Variants in HCN1 observed in about 807,000 individuals in gnomAD.
HCN1 encodes hyperpolarization activated cyclic nucleotide gated potassium channel 1.
A neutral mutation model predicts 78.9 loss-of-function variants in HCN1; 13 were observed. The observed-to-expected ratio is 0.16, with a 90% CI of 0.11 to 0.26. HCN1 has a LOEUF of 0.26. HCN1 is among the 10% of genes least tolerant of loss of function. The probability of loss-of-function intolerance (pLI) is 1.00; values close to 1 mark genes in which losing one functional copy is unlikely to be tolerated. For synonymous variants in HCN1, 552 were observed against 455.5 expected (o/e 1.21, Z -2.70); for missense variants, 810 against 1,154.3 (o/e 0.70, Z 4.32).
intron 6 of HCN1, among the ~76,000 whole-genome samples, chr5:45,275,688 T>C (rs1745041410): frequency 6.6e-6 from 1 of 152,292 alleles, no homozygotes; most frequent in Middle Eastern, 3.4e-3. Context: ...ATTACTGATA[T>C]TACAGATATG....
At chr5:45,332,833 T>C (rs1483075346) in intron 5 of HCN1, among the ~76,000 whole-genome samples, 1 of 151,782 alleles carries the variant, frequency 6.6e-6, no homozygotes, top group Non-Finnish European at 1.5e-5. Flanking sequence ...TTTTTTTTTA[T>C]GGCTGAAAAG....
At chr5:45,459,215 G>A (rs1222093007) in intron 3 of HCN1, among the ~76,000 whole-genome samples, 1 of 151,664 alleles carries the variant, frequency 6.6e-6, no homozygotes, top group Non-Finnish European at 1.5e-5. Flanking sequence ...ACCAGCCTTG[G>A]CGACATAGCA....
intron 5 of HCN1, among the ~76,000 whole-genome samples, chr5:45,347,738 T>A (rs1746780412): frequency 6.6e-6 from 1 of 152,078 alleles, no homozygotes; most frequent in Non-Finnish European, 1.5e-5. Context: ...CAGGAGCCGA[T>A]GCGATCAACT....
intron 2 of HCN1, among the ~76,000 whole-genome samples, chr5:45,572,603 A>G (rs1351305528): frequency 2.0e-5 from 3 of 152,192 alleles, no homozygotes; most frequent in Admixed American, 2.0e-4. Context: ...ATATAATCAT[A>G]TTACTTTTCT....
intron 3 of HCN1, among the ~76,000 whole-genome samples, chr5:45,453,263 G>T (rs990660578): frequency 6.6e-6 from 1 of 152,030 alleles, no homozygotes; most frequent in Admixed American, 6.6e-5. Context: ...GAAACTATTA[G>T]TCTGCTATTC....
chr5:45,594,750 C>T, intron 2 of HCN1, among the ~76,000 whole-genome samples: 1 of 152,270 alleles, frequency 6.6e-6, no homozygotes, highest in East Asian at 1.9e-4. Flanking sequence ...CCTTAAGTAA[C>T]CCACATCTGA....
chr5:45,610,509 T>C (rs1744811876), intron 2 of HCN1, among the ~76,000 whole-genome samples: 1 of 150,096 alleles, frequency 6.7e-6, no homozygotes, highest in South Asian at 2.1e-4. Context: ...TTATAAAATA[T>C]AGAATATCAT....
intron 2 of HCN1, among the ~76,000 whole-genome samples, chr5:45,638,990 T>C (rs950864250): frequency 6.6e-6 from 1 of 152,168 alleles, no homozygotes; most frequent in African/African-American, 2.4e-5. Flanking sequence ...AAGTAAATAA[T>C]ATAATATTGA....
chr5:45,585,334 T>C (rs1359620521), intron 2 of HCN1, among the ~76,000 whole-genome samples: 1 of 152,224 alleles, frequency 6.6e-6, no homozygotes, highest in Admixed American at 6.5e-5. Flanking sequence ...TACTGAGGCT[T>C]GTGCATTGGT....
At chr5:45,560,972 A>C (rs1743587516) in intron 2 of HCN1, among the ~76,000 whole-genome samples, 1 of 152,128 alleles carries the variant, frequency 6.6e-6, no homozygotes, top group Non-Finnish European at 1.5e-5. Flanking sequence ...ATCAAATTCT[A>C]AACTTTTCAT....
At chr5:45,629,756 C>T (rs1354749940) in intron 2 of HCN1, among the ~76,000 whole-genome samples, 1 of 152,054 alleles carries the variant, frequency 6.6e-6, no homozygotes, top group Admixed American at 6.6e-5. Flanking sequence ...ATAAGACATG[C>T]TCCCTATTGG....
chr5:45,302,288 GT>G (rs1745642786), intron 6 of HCN1, among the ~76,000 whole-genome samples: 1 of 143,632 alleles, frequency 7.0e-6, no homozygotes, highest in Non-Finnish European at 1.5e-5. Context: ...AGTTTCCCCT[GT>G]GCTTTCTCTC....
intron 3 of HCN1, among the ~76,000 whole-genome samples, chr5:45,408,904 C>T (rs1442672243): frequency 2.0e-5 from 3 of 152,168 alleles, no homozygotes; most frequent in East Asian, 3.9e-4. Context: ...CTGCCTAATG[C>T]ATTAAAGAAG....
chr5:45,629,977 A>C (rs1167152295), intron 2 of HCN1, among the ~76,000 whole-genome samples: 5 of 152,134 alleles, frequency 3.3e-5, no homozygotes, highest in Non-Finnish European at 5.9e-5. Flanking sequence ...AGTAAAATAA[A>C]GATTAATTTA....
At chr5:45,299,994 C>T (rs999663183) in intron 6 of HCN1, among the ~76,000 whole-genome samples, 2 of 151,928 alleles carry the variant, frequency 1.3e-5, no homozygotes, top group African/African-American at 4.8e-5. Context: ...CAAGGATATT[C>T]AGTGATGTGA....
intron 2 of HCN1, among the ~76,000 whole-genome samples, chr5:45,477,539 G>GTGTT (rs1196625990): frequency 6.6e-6 from 1 of 152,084 alleles, no homozygotes; most frequent in Non-Finnish European, 1.5e-5. Context: ...CTGGTAATAT[G>GTGTT]TGTTTGTAAA....
At chr5:45,324,157 G>A (rs551214811) in intron 5 of HCN1, among the ~76,000 whole-genome samples, 7 of 151,400 alleles carry the variant, frequency 4.6e-5, no homozygotes, top group Non-Finnish European at 8.9e-5. Flanking sequence ...TGATGGTTGG[G>A]ATCTAATTAA....
chr5:45,594,934 T>C (rs1744454807), intron 2 of HCN1, among the ~76,000 whole-genome samples: 1 of 152,094 alleles, frequency 6.6e-6, no homozygotes, highest in African/African-American at 2.4e-5. Context: ...AGTGTTTGAG[T>C]TAAAACATCT....
chr5:45,378,603 T>C (rs1417036245), intron 4 of HCN1, among the ~76,000 whole-genome samples: 1 of 152,060 alleles, frequency 6.6e-6, no homozygotes, highest in Non-Finnish European at 1.5e-5. Flanking sequence ...GGTCACTGTT[T>C]GTTGTTTTTC....
Sources: allele counts gnomAD v4.1 joint callset (sites outside exome capture counted in the v4.1 genomes callset), GRCh38; gene constraint gnomAD v4.1.1; transcripts MANE v1.5; gene names NCBI Gene and HGNC (gene_info 2026-07-23, HGNC 2026-07-21).